Variants in LIMS1 observed in about 807,000 individuals in gnomAD.
LIMS1 encodes LIM and senescent cell antigen-like-containing domain protein 1.
Under a neutral mutation model 44.1 loss-of-function variants are expected in LIMS1, and 18 were observed. That is an observed-to-expected ratio of 0.41 (90% CI 0.28 to 0.61). The LOEUF is 0.61. Ranked by LOEUF, LIMS1 falls within the 20% of genes least tolerant of loss-of-function variation. The probability of loss-of-function intolerance (pLI) is 0.32; values close to 1 mark genes in which losing one functional copy is unlikely to be tolerated. For missense variants in LIMS1, 201 were observed against 422.0 expected (o/e 0.48, Z 4.59); for synonymous variants, 93 against 149.1 (o/e 0.62, Z 2.74).
chr2:108,606,217 G>C (rs1458584712), intron 1 of LIMS1, among the ~76,000 whole-genome samples: 1 of 152,258 alleles, frequency 6.6e-6, no homozygotes, highest in East Asian at 1.9e-4. Context: ...TAGTTTGCAA[G>C]TTGGAGTTGT....
At chr2:108,534,408 C>T (rs543735899) in exon 1 of LIMS1, 48 of 385,428 alleles carry the variant, frequency 1.2e-4, no homozygotes, top group Admixed American at 4.4e-4. Flanking sequence ...GCCTTCCCCC[C>T]CCTCCCGCGC....
At chr2:108,622,312 ATTG>A (rs1382951255) in intron 1 of LIMS1, among the ~76,000 whole-genome samples, 1 of 152,120 alleles carries the variant, frequency 6.6e-6, no homozygotes, top group African/African-American at 2.4e-5. Context: ...TTTGTGTACT[ATTG>A]TTCTTTTTCC....
At chr2:108,564,942 A>G (rs1459114223) in intron 1 of LIMS1, among the ~76,000 whole-genome samples, 1 of 151,936 alleles carries the variant, frequency 6.6e-6, no homozygotes, top group African/African-American at 2.4e-5. Context: ...AGGGAAGGAA[A>G]GGGCCAGCGC....
At chr2:108,554,312 C>A (rs1356628593) in intron 1 of LIMS1, among the ~76,000 whole-genome samples, 1 of 152,156 alleles carries the variant, frequency 6.6e-6, no homozygotes, top group Non-Finnish European at 1.5e-5. Flanking sequence ...ACATCTTCTT[C>A]AGTATGAGCC....
At chr2:108,600,644 C>G (rs867431198) in intron 1 of LIMS1, among the ~76,000 whole-genome samples, 1 of 152,154 alleles carries the variant, frequency 6.6e-6, no homozygotes, top group South Asian at 2.1e-4. Context: ...CCTCAGTGTA[C>G]GTTCTTGGCA....
At chr2:108,556,206 T>C (rs1684920416) in intron 1 of LIMS1, among the ~76,000 whole-genome samples, 1 of 152,234 alleles carries the variant, frequency 6.6e-6, no homozygotes, top group Non-Finnish European at 1.5e-5. Context: ...TTTTATCCTT[T>C]TGTGTCTTGC....
intron 7 of LIMS1, 164 bp downstream of exon 7, chr2:108,676,862 A>G (rs1692599771): frequency 1.4e-6 from 1 of 732,208 alleles, no homozygotes; most frequent in Non-Finnish European, 2.1e-6. Context: ...TAACTATAAA[A>G]TATACAAAGA....
At chr2:108,676,502 C>T in intron 6 of LIMS1, 104 bp from the exon 7 acceptor site, 1 of 1,389,016 alleles carries the variant, frequency 7.2e-7, no homozygotes, top group African/African-American at 1.4e-5. Flanking sequence ...ATGACTGTCT[C>T]AAACTTTCCT....
rs77835581 is a variant in LIMS1, at chr2:108,656,314, T to G, written c.33-3291T>G. 5.2e-3 allele frequency among the ~76,000 whole-genome samples: 357 copies of G among 68,082 alleles called. 2 individuals are homozygous for G. Among genetic ancestry groups the G allele is most frequent in the Admixed American group, 0.012 (60 of 5,194 alleles). 44.7% of individuals were successfully genotyped at this position (68,082 alleles called of 152,430 possible). ...TTTTACATATAAATATCTATCTATCTATCTATAGATAGATAGATAGATAGA... is the reference window on the plus strand; with the variant it reads ...TTTTACATATAAATATCTATCTATCGATCTATAGATAGATAGATAGATAGA... On this transcript the variant is annotated intron_variant, in intron 1 of 9. Transcript: ENST00000544547.
intron 1 of LIMS1, among the ~76,000 whole-genome samples, chr2:108,557,763 G>A (rs141450568): frequency 6.6e-6 from 1 of 152,254 alleles, no homozygotes; most frequent in East Asian, 1.9e-4. Flanking sequence ...TGATCCACCT[G>A]CCTCAGCCTC....
chr2:108,543,565 A>G (rs916684303), intron 1 of LIMS1, among the ~76,000 whole-genome samples: 1 of 152,202 alleles, frequency 6.6e-6, no homozygotes, highest in African/African-American at 2.4e-5. Context: ...AAAACTCCCC[A>G]AACCTCTGTG....
At chr2:108,550,460 C>T (rs1264957935) in intron 1 of LIMS1, among the ~76,000 whole-genome samples, 2 of 151,130 alleles carry the variant, frequency 1.3e-5, no homozygotes, top group Non-Finnish European at 2.9e-5. Flanking sequence ...GATCACGCCA[C>T]TGCACTCCAG....
chr2:108,574,048 C>A (rs919549085), intron 1 of LIMS1, among the ~76,000 whole-genome samples: 2 of 151,282 alleles, frequency 1.3e-5, no homozygotes, highest in South Asian at 2.1e-4. Context: ...CTCCCCCCCA[C>A]CAAAAAAAAG....
At chr2:108,650,076 C>T (rs1378926798) in intron 1 of LIMS1, among the ~76,000 whole-genome samples, 1 of 152,208 alleles carries the variant, frequency 6.6e-6, no homozygotes, top group Admixed American at 6.5e-5. Flanking sequence ...ACCTGCTATT[C>T]AGACGAATCT....
chr2:108,541,974 T>C (rs1684331672), intron 1 of LIMS1, among the ~76,000 whole-genome samples: 1 of 152,252 alleles, frequency 6.6e-6, no homozygotes, highest in Admixed American at 6.5e-5. Flanking sequence ...TCTGCCAAAG[T>C]GTAATCTCTG....
chr2:108,541,017 A>T (rs1462417001), intron 1 of LIMS1, among the ~76,000 whole-genome samples: 1 of 152,194 alleles, frequency 6.6e-6, no homozygotes, highest in Non-Finnish European at 1.5e-5. Flanking sequence ...TGAATTATGG[A>T]TATTGGCCCA....
chr2:108,619,795 A>G (rs187361566), intron 1 of LIMS1, among the ~76,000 whole-genome samples: 1 of 152,122 alleles, frequency 6.6e-6, no homozygotes. Context: ...TCTACATTCT[A>G]TTTGTTTTTG....
At chr2:108,681,679 A>G in intron 9 of LIMS1, 1 of 723,322 alleles carries the variant, frequency 1.4e-6, no homozygotes, top group Non-Finnish European at 1.7e-6. Flanking sequence ...CCAGCACTTT[A>G]GGAAGGCAGA....
chr2:108,546,871 A>G (rs906058761), intron 1 of LIMS1, among the ~76,000 whole-genome samples: 2 of 152,146 alleles, frequency 1.3e-5, no homozygotes, highest in African/African-American at 2.4e-5. Flanking sequence ...TGGAGAATAA[A>G]GTTTCCTTAA....
Sources: gnomAD v4.1 joint callset for allele counts (sites outside exome capture counted in the v4.1 genomes callset) on GRCh38, gnomAD v4.1.1 for gene constraint, MANE v1.5 for transcripts, NCBI Gene and HGNC (gene_info 2026-07-23, HGNC 2026-07-21) for gene names.